Variants in DYSF observed in about 807,000 individuals in gnomAD.
DYSF encodes dystrophy-associated fer-1-like 1.
In DYSF, 212 loss-of-function variants were observed where a neutral mutation model predicts 274.9. The ratio of observed to expected loss-of-function variants is 0.77; its 90% CI spans 0.69 to 0.86. DYSF has a LOEUF of 0.86. Ranked by LOEUF, DYSF falls within the 40% of genes least tolerant of loss-of-function variation. DYSF has a pLI of 0.00. For synonymous variants in DYSF, 1,091 were observed against 1,078.7 expected (o/e 1.01, Z -0.22); for missense variants, 2,666 against 2,783.2 (o/e 0.96, Z 0.95).
intron 14 of DYSF, among the ~76,000 whole-genome samples, chr2:71,528,682 T>C (rs1444404329): frequency 6.6e-6 from 1 of 152,100 alleles, no homozygotes; most frequent in African/African-American, 2.4e-5. Flanking sequence ...AGAGGAACAT[T>C]TGGGGGAAAA....
chr2:71,522,130 T>C (rs370329766), intron 12 of DYSF, among the ~76,000 whole-genome samples: 6 of 152,058 alleles, frequency 3.9e-5, no homozygotes, highest in African/African-American at 9.7e-5. Context: ...TCCTTCTCCA[T>C]GATCTGTACC....
intron 24 of DYSF, among the ~76,000 whole-genome samples, chr2:71,567,714 G>A (rs1386446168): frequency 6.6e-6 from 1 of 152,016 alleles, no homozygotes; most frequent in Admixed American, 6.6e-5. Flanking sequence ...AGGGAATGAT[G>A]TAGCCTTTGC....
intron 1 of DYSF, among the ~76,000 whole-genome samples, chr2:71,460,196 A>G (rs2081228479): frequency 1.3e-5 from 2 of 152,108 alleles, no homozygotes; most frequent in African/African-American, 2.4e-5. Flanking sequence ...CTCCTGTTTT[A>G]TTGCTCTGTT....
At chr2:71,516,309 CGTGT>C (rs1385195547) in intron 9 of DYSF, 67 bp downstream of exon 9, 19 of 1,488,276 alleles carry the variant, frequency 1.3e-5, no homozygotes, top group African/African-American at 8.3e-5. Context: ...AGTGCACACG[CGTGT>C]GTGTTTGTGC....
At chr2:71,646,420 G>A (rs905136412) in intron 42 of DYSF, among the ~76,000 whole-genome samples, 1 of 152,178 alleles carries the variant, frequency 6.6e-6, no homozygotes, top group African/African-American at 2.4e-5. Context: ...AAAATAGGCT[G>A]TCCAAAGCAA....
intron 23 of DYSF, 44 bp from the exon 24 acceptor site, chr2:71,564,014 C>G: frequency 6.2e-7 from 1 of 1,611,726 alleles, no homozygotes; most frequent in South Asian, 1.1e-5. Context: ...GGGCGTGGGC[C>G]TGGTGTGTCA....
intron 1 of DYSF, among the ~76,000 whole-genome samples, chr2:71,477,990 A>C (rs1038540348): frequency 1.3e-5 from 2 of 152,044 alleles, no homozygotes; most frequent in African/African-American, 4.8e-5. Flanking sequence ...CCAAGCATTA[A>C]AGAGATTTGC....
intron 19 of DYSF, among the ~76,000 whole-genome samples, chr2:71,552,491 C>T (rs1253837557): frequency 1.3e-5 from 2 of 152,226 alleles, no homozygotes; most frequent in African/African-American, 4.8e-5. Flanking sequence ...CCTGCCCTGT[C>T]CCCATCCCGT....
At chr2:71,526,421 C>CTGGGGGGGGGGGGGG in intron 13 of DYSF, 75 bp downstream of exon 13, 1 of 272,068 alleles carries the variant, frequency 3.7e-6, no homozygotes, top group Non-Finnish European at 6.7e-6. Context: ...TGGGCGATGG[C>CTGGGGGGGGGGGGGG]GGGCGGGGTC....
chr2:71,651,453 G>A (rs2094658207), intron 42 of DYSF, among the ~76,000 whole-genome samples: 1 of 152,006 alleles, frequency 6.6e-6, no homozygotes, highest in Non-Finnish European at 1.5e-5. Flanking sequence ...GAGATAATGT[G>A]AAGGAAAAGA....
At chr2:71,617,276 A>G (rs899813201) in intron 40 of DYSF, among the ~76,000 whole-genome samples, 1 of 152,218 alleles carries the variant, frequency 6.6e-6, no homozygotes, top group African/African-American at 2.4e-5. Context: ...CAAAGAGACA[A>G]GGGATGAGGG....
At chr2:71,651,576 A>C (rs1442576358) in intron 42 of DYSF, among the ~76,000 whole-genome samples, 1 of 152,180 alleles carries the variant, frequency 6.6e-6, no homozygotes, top group East Asian at 1.9e-4. Context: ...TGAATTTCCT[A>C]AATTTTCAAA....
chr2:71,481,102 T>C (rs1343224360), intron 2 of DYSF, among the ~76,000 whole-genome samples, 164 bp downstream of exon 2: 3 of 152,154 alleles, frequency 2.0e-5, no homozygotes, highest in Non-Finnish European at 4.4e-5. Flanking sequence ...TCTAGGAACC[T>C]GGGAGGAGGG....
chr2:71,590,957 C>T (rs1280430336), intron 32 of DYSF, among the ~76,000 whole-genome samples: 1 of 152,206 alleles, frequency 6.6e-6, no homozygotes, highest in Non-Finnish European at 1.5e-5. Context: ...CTCCCTGGCA[C>T]CTTCCACACT....
chr2:71,478,256 G>A (rs2082557591), intron 1 of DYSF, among the ~76,000 whole-genome samples: 1 of 148,816 alleles, frequency 6.7e-6, no homozygotes, highest in Non-Finnish European at 1.5e-5. Context: ...CTGTCGCCCA[G>A]GCTGGAGTGC....
intron 40 of DYSF, among the ~76,000 whole-genome samples, chr2:71,618,583 T>TTG (rs200820454): frequency 4.3e-5 from 2 of 46,760 alleles, no homozygotes; most frequent in South Asian, 7.2e-4. Flanking sequence ...TGGGGTAGAG[T>TTG]TGTGTGTGTG....
At chr2:71,474,733 A>T (rs2082274254) in intron 1 of DYSF, among the ~76,000 whole-genome samples, 1 of 152,144 alleles carries the variant, frequency 6.6e-6, no homozygotes, top group African/African-American at 2.4e-5. Flanking sequence ...TCTCATTGAG[A>T]GCTTTTATTC....
At chr2:71,651,166 C>G (rs1450019266) in intron 42 of DYSF, among the ~76,000 whole-genome samples, 1 of 145,662 alleles carries the variant, frequency 6.9e-6, no homozygotes, top group African/African-American at 2.5e-5. Context: ...AACAGCAGGA[C>G]AAAAAAAGAG....
intron 52 of DYSF, among the ~76,000 whole-genome samples, chr2:71,675,868 C>A (rs541660400): frequency 6.6e-6 from 1 of 152,004 alleles, no homozygotes; most frequent in South Asian, 2.1e-4. Context: ...TACATGCATA[C>A]ATATATAATA....
Sources: allele counts gnomAD v4.1 joint callset (sites outside exome capture counted in the v4.1 genomes callset), GRCh38; gene constraint gnomAD v4.1.1; transcripts MANE v1.5; gene names NCBI Gene and HGNC (gene_info 2026-07-23, HGNC 2026-07-21).